The following DACH1 variants were observed in gnomAD, a reference collection of about 807,000 sequenced individuals.
The protein encoded by DACH1 is dachshund family transcription factor 1, also known as dachshund homolog 1.
Under a neutral mutation model 54.2 loss-of-function variants are expected in DACH1, and 12 were observed. The ratio of observed to expected loss-of-function variants is 0.22; its 90% CI spans 0.14 to 0.36. DACH1 has a LOEUF of 0.36. Ranked by LOEUF, DACH1 falls within the 10% of genes least tolerant of loss-of-function variation. The probability of loss-of-function intolerance (pLI) is 1.00; values close to 1 mark genes in which losing one functional copy is unlikely to be tolerated. For synonymous variants in DACH1, 386 were observed against 366.2 expected, an observed-to-expected ratio of 1.05 and a Z score of -0.62; for missense variants, 805 against 929.8, an observed-to-expected ratio of 0.87 and a Z score of 1.75.
At chr13:71,699,355 T>C (rs753646940) in intron 1 of DACH1, among the ~76,000 whole-genome samples, 2 of 152,208 alleles carry the variant, frequency 1.3e-5, no homozygotes, top group African/African-American at 2.4e-5. Context: ...ATTTTAAAAT[T>C]GTATTTCATT....
chr13:71,575,832 T>C (rs568059358), intron 3 of DACH1, among the ~76,000 whole-genome samples: 9 of 152,174 alleles, frequency 5.9e-5, no homozygotes, highest in Admixed American at 5.9e-4. Flanking sequence ...GGGTAATAAA[T>C]AGAGCAAACA....
chr13:71,791,478 T>C (rs984866217), intron 1 of DACH1, among the ~76,000 whole-genome samples: 6 of 152,252 alleles, frequency 3.9e-5, no homozygotes, highest in Middle Eastern at 3.4e-3. Flanking sequence ...CCTCCAGGGT[T>C]CAAGTGATTC....
chr13:71,620,337 T>G (rs553331166), intron 3 of DACH1, among the ~76,000 whole-genome samples: 1 of 152,062 alleles, frequency 6.6e-6, no homozygotes, highest in African/African-American at 2.4e-5. Context: ...CACATAGAAC[T>G]GATTAACAGA....
At chr13:71,598,077 CA>C (rs112426536) in intron 3 of DACH1, among the ~76,000 whole-genome samples, 5,696 of 89,058 alleles carry the variant, frequency 0.064, 331 homozygotes, top group Admixed American at 0.25. Flanking sequence ...AAGACCCTGT[CA>C]AAAAAAAAAA....
At chr13:71,449,960 C>A (rs1593711183) in intron 10 of DACH1, among the ~76,000 whole-genome samples, 2 of 151,358 alleles carry the variant, frequency 1.3e-5, no homozygotes, top group African/African-American at 2.4e-5. Context: ...TGGAGATATA[C>A]CTAATGTTAA....
chr13:71,485,451 T>C (rs905237995), intron 7 of DACH1, among the ~76,000 whole-genome samples: 58 of 150,246 alleles, frequency 3.9e-4, no homozygotes, highest in African/African-American at 1.3e-3. Context: ...ATTTTTTATA[T>C]ATATAAATTT....
chr13:71,619,428 C>T (rs1050546770), intron 3 of DACH1, among the ~76,000 whole-genome samples: 8 of 151,846 alleles, frequency 5.3e-5, no homozygotes, highest in Non-Finnish European at 1.0e-4. Context: ...CATGCAATCA[C>T]ACATCTCACA....
chr13:71,798,436 C>A (rs1355868764), intron 1 of DACH1, among the ~76,000 whole-genome samples: 1 of 149,190 alleles, frequency 6.7e-6, no homozygotes, highest in Non-Finnish European at 1.5e-5. Flanking sequence ...CATTCATACA[C>A]CCAAACAATA....
chr13:71,610,598 A>T (rs1366422151), intron 3 of DACH1, among the ~76,000 whole-genome samples: 2 of 152,178 alleles, frequency 1.3e-5, no homozygotes, highest in African/African-American at 2.4e-5. Flanking sequence ...CATTAACATA[A>T]CACAAAAACA....
chr13:71,574,199 T>C (rs1885396623), intron 3 of DACH1, among the ~76,000 whole-genome samples: 2 of 152,170 alleles, frequency 1.3e-5, no homozygotes, highest in South Asian at 4.1e-4. Flanking sequence ...CATTTCAATA[T>C]TGGTAGCAAT....
chr13:71,862,407 C>T (rs1460605075), intron 1 of DACH1, among the ~76,000 whole-genome samples: 1 of 151,924 alleles, frequency 6.6e-6, no homozygotes, highest in Non-Finnish European at 1.5e-5. Context: ...GTTGCAACAG[C>T]CAAGTTCATG....
chr13:71,613,732 G>C (rs1216315235), intron 3 of DACH1, among the ~76,000 whole-genome samples: 2 of 152,134 alleles, frequency 1.3e-5, no homozygotes, highest in Non-Finnish European at 2.9e-5. Flanking sequence ...TTGTTTTTGA[G>C]AGAGGGTCTC....
chr13:71,669,914 G>A (rs1242151678), intron 2 of DACH1, among the ~76,000 whole-genome samples: 1 of 151,388 alleles, frequency 6.6e-6, no homozygotes, highest in African/African-American at 2.4e-5. Context: ...AGACCTTTTA[G>A]TTTCTAAGTT....
chr13:71,832,635 AT>A (rs929527608), intron 1 of DACH1, among the ~76,000 whole-genome samples: 4 of 151,732 alleles, frequency 2.6e-5, no homozygotes, highest in African/African-American at 9.7e-5. Context: ...AACTACCTAA[AT>A]TTTTTTTGTT....
chr13:71,815,899 C>T (rs1054747042), intron 1 of DACH1, among the ~76,000 whole-genome samples: 1 of 151,880 alleles, frequency 6.6e-6, no homozygotes, highest in Non-Finnish European at 1.5e-5. Context: ...TCCTGGCTAA[C>T]ACGGTGAAAC....
intron 1 of DACH1, among the ~76,000 whole-genome samples, chr13:71,816,559 T>C (rs1031654495): frequency 6.1e-5 from 9 of 147,806 alleles, no homozygotes; most frequent in African/African-American, 1.0e-4. Context: ...GGTATATACA[T>C]ATATGTGTGT....
At chr13:71,768,580 G>A (rs1166502759) in intron 1 of DACH1, among the ~76,000 whole-genome samples, 1 of 151,908 alleles carries the variant, frequency 6.6e-6, no homozygotes, top group Non-Finnish European at 1.5e-5. Flanking sequence ...CAGTTCTACA[G>A]CCCTGAGCAC....
intron 1 of DACH1, among the ~76,000 whole-genome samples, chr13:71,765,407 TG>T (rs1885577425): frequency 2.0e-5 from 3 of 152,234 alleles, no homozygotes; most frequent in Admixed American, 1.3e-4. Flanking sequence ...CCACAGGGAC[TG>T]TTATAATAAT....
At chr13:71,822,018 A>G (rs1888208400) in intron 1 of DACH1, among the ~76,000 whole-genome samples, 1 of 152,036 alleles carries the variant, frequency 6.6e-6, no homozygotes, top group Non-Finnish European at 1.5e-5. Context: ...CCGAGATCGC[A>G]CCTCTGCACT....
Sources: gnomAD v4.1 joint callset for allele counts (sites outside exome capture counted in the v4.1 genomes callset) on GRCh38, gnomAD v4.1.1 for gene constraint, MANE v1.5 for transcripts, NCBI Gene and HGNC (gene_info 2026-07-23, HGNC 2026-07-21) for gene names.